Variants in TLE2 observed in about 807,000 individuals in gnomAD.
TLE2 encodes the protein transducin-like enhancer protein 2.
TLE2 carries 74 observed loss-of-function variants against 97.2 expected under a neutral mutation model. The observed-to-expected ratio is 0.76, with a 90% CI of 0.63 to 0.92. TLE2 has a LOEUF of 0.92. TLE2 is among the 40% of genes least tolerant of loss of function. The pLI is 0.00. For missense variants in TLE2, 1,038 were observed against 1,008.7 expected, an observed-to-expected ratio of 1.03 and a Z score of -0.39; for synonymous variants, 499 against 432.1, an observed-to-expected ratio of 1.15 and a Z score of -1.92.
intron 5 of TLE2, among the ~76,000 whole-genome samples, chr19:3,022,257 C>T (rs1024234790): frequency 3.2e-4 from 49 of 152,092 alleles, no homozygotes; most frequent in African/African-American, 1.2e-3. Flanking sequence ...TGCGGTGGCT[C>T]ACGCGTGTAA....
intron 9 of TLE2, among the ~76,000 whole-genome samples, chr19:3,015,095 G>T: frequency 7.1e-6 from 1 of 140,294 alleles, no homozygotes; most frequent in Non-Finnish European, 1.5e-5. Context: ...TAAAAAGGAA[G>T]ATTTAAGGCT....
chr19:3,008,366 C>T (rs1194077551), intron 14 of TLE2, among the ~76,000 whole-genome samples: 1 of 152,202 alleles, frequency 6.6e-6, no homozygotes, highest in Non-Finnish European at 1.5e-5. Context: ...CCCGACATCG[C>T]CCAGTGTCCC....
At chr19:3,008,840 C>G (rs756587285) in intron 14 of TLE2, 29 bp downstream of exon 14, 123 of 1,512,244 alleles carry the variant, frequency 8.1e-5, no homozygotes, top group Non-Finnish European at 1.0e-4. Flanking sequence ...CCCGGGACCC[C>G]AGGCAGGGAG....
At chr19:3,028,670 G>T in intron 2 of TLE2, 36 bp downstream of exon 2, 1 of 1,609,106 alleles carries the variant, frequency 6.2e-7, no homozygotes. Context: ...CGGCGCCCAG[G>T]TGAACTCCCG....
chr19:3,024,599 G>A (rs12984592), intron 5 of TLE2, among the ~76,000 whole-genome samples: 13,653 of 152,124 alleles, frequency 0.09, 724 homozygotes, highest in Middle Eastern at 0.13. Context: ...TTCATCAGGT[G>A]CTGAGTAAGC....
At position 3,006,277 on chromosome 19, in the gene TLE2, GACT is replaced by G. The variant is rs1468344296; in HGVS notation, c.1500+140_1500+142del. ...TTGGCCTGCAAGCCTTGTCCCATGC[GACT>G]ACGAGCTCCGCCCCTCACCTATAAG... On this transcript the variant is annotated intron_variant, in intron 15 of 19. Transcript: ENST00000262953. 91 of 1,346,614 alleles carry G rather than the reference GACT, an allele frequency of 6.8e-5. 1 individual carries two copies. The highest frequency in any genetic ancestry group is 4.5e-4 in the East Asian group (19 of 42,510). 83.4% of individuals were successfully genotyped at this position (1,346,614 alleles called of 1,614,324 possible). A position where few individuals can be genotyped will look rare whatever the true frequency, so the allele number is the denominator to read the frequency against.
intron 1 of TLE2, among the ~76,000 whole-genome samples, chr19:3,044,028 C>G (rs2090124372): frequency 6.6e-6 from 1 of 151,712 alleles, no homozygotes; most frequent in Admixed American, 6.6e-5. Context: ...CAAAAGGTAG[C>G]CAGGCGTGGT....
intron 1 of TLE2, among the ~76,000 whole-genome samples, chr19:3,044,071 G>A (rs1199080021): frequency 6.6e-6 from 1 of 151,978 alleles, no homozygotes; most frequent in Non-Finnish European, 1.5e-5. Flanking sequence ...TGCTTGGGAG[G>A]CTGGGGCAGG....
At chr19:3,032,523 C>A (rs140250593), upstream of TLE2, among the ~76,000 whole-genome samples, 46 of 152,264 alleles carry the variant, frequency 3.0e-4, no homozygotes, top group East Asian at 8.5e-3. The surrounding 1 kb of genome is among the most constrained non-coding windows in gnomAD (Gnocchi z 4.1). Flanking sequence ...CAGGCTTGAG[C>A]CACCGTGCCC....
At chr19:3,000,841 T>TTTTC in intron 18 of TLE2, 118 bp from the exon 19 acceptor site, 8 of 687,762 alleles carry the variant, frequency 1.2e-5, no homozygotes, top group African/African-American at 5.6e-5. Flanking sequence ...TTTTTTTTTT[T>TTTTC]CCAAGAAAGG....
rs1344486254 is a variant in TLE2, at chr19:3,025,050, G to A, written c.264C>T (p.Cys88=). 11 of 1,604,848 alleles carry A rather than the reference G, an allele frequency of 6.9e-6. No homozygotes were observed. The highest frequency in any genetic ancestry group is 2.7e-5 in the African/African-American group (2 of 74,722). ...GGGTCAGGAAGGGGATAATCTGAGC[G>A]CAGATACCGCTCAGACGCTTCACAA... The part of the protein sequence containing the change: ...AEIVKRLSGI[C]AQIIPFLTQE... Residue 88 remains cysteine (C), a synonymous_variant, in exon 5 of 20, where the codon TGC becomes TGT. Transcript: ENST00000262953.
In TLE2 at chr19:3,028,906, C is replaced by T; in HGVS notation, c.-2G>A. On this transcript the variant is annotated 5_prime_UTR_variant, in exon 1 of 20. Coordinates refer to ENST00000262953, the MANE Select transcript of TLE2 (RefSeq NM_003260.5). ...CGGGTGCCTTCCCTGGGGGTACATC[C>T]TGCCGATCCGAAAAGCCCCCCAGGC... 1.2e-6 allele frequency: 2 copies of T among 1,610,252 alleles called. No homozygotes were observed. Among genetic ancestry groups the T allele is most frequent in the African/African-American group, 1.3e-5 (1 of 74,922 alleles).
At chr19:3,001,817 G>C (rs1264293803) in intron 18 of TLE2, among the ~76,000 whole-genome samples, 1 of 94,516 alleles carries the variant, frequency 1.1e-5, no homozygotes, top group African/African-American at 4.5e-5. Flanking sequence ...TTTTTTTTAA[G>C]ATAGAATCTC....
At chr19:3,026,065 T>C (rs188375693) in intron 4 of TLE2, among the ~76,000 whole-genome samples, 3 of 152,044 alleles carry the variant, frequency 2.0e-5, no homozygotes, top group Non-Finnish European at 2.9e-5. Context: ...GCTCAGAAGT[T>C]TGGGACCCCT....
chr19:3,004,032 G>A (rs527608940), intron 17 of TLE2, among the ~76,000 whole-genome samples: 83 of 152,102 alleles, frequency 5.5e-4, no homozygotes, highest in African/African-American at 1.9e-3. Flanking sequence ...AAAGATTCAG[G>A]GTCCTCCACC....
chr19:3,015,751 G>GAGATGCACTCTGCGGAGAGACAA lies in TLE2; in HGVS notation c.571-14_579dup (p.Pro194LeufsTer106). ...TCCACGAGACTCTCAGGGGGCGAGG[G>GAGATGCACTCTGCGGAGAGACAA]AGATGCACTCTGCGGAGAGACAAAG... is the stretch of plus-strand genomic sequence containing the variant. On this transcript the variant is annotated frameshift_variant, in exon 9 of 20. Transcript: ENST00000262953. LOFTEE classifies it high-confidence loss of function. The GAGATGCACTCTGCGGAGAGACAA allele has an allele frequency of 6.2e-7, 1 of 1,608,346 alleles. No homozygotes were observed. Among genetic ancestry groups the GAGATGCACTCTGCGGAGAGACAA allele is most frequent in the Non-Finnish European group, 8.5e-7 (1 of 1,178,062 alleles).
chr19:3,005,345 T>C (rs1599199618), intron 17 of TLE2, 92 bp downstream of exon 17: 1 of 1,508,276 alleles, frequency 6.6e-7, no homozygotes, highest in African/African-American at 1.4e-5. Flanking sequence ...TCCTGTCCTG[T>C]CCTGCCTCTG....
At chr19:3,026,262 C>T (rs1196225082) in intron 4 of TLE2, among the ~76,000 whole-genome samples, 1 of 151,960 alleles carries the variant, frequency 6.6e-6, no homozygotes, top group African/African-American at 2.4e-5. Context: ...GCCTGGCCAA[C>T]ATGGAGAAAC....
chr19:3,033,176 A>AT (rs71337195), upstream of TLE2, among the ~76,000 whole-genome samples: 16,628 of 139,646 alleles, frequency 0.12, 1,027 homozygotes, highest in Middle Eastern at 0.22. Flanking sequence ...AGCCTGGCTA[A>AT]TTTTTTTTTT....
Sources: allele counts gnomAD v4.1 joint callset (sites outside exome capture counted in the v4.1 genomes callset), GRCh38; gene constraint gnomAD v4.1.1; non-coding constraint Gnocchi (gnomAD v3.1); transcripts MANE v1.5; gene names NCBI Gene and HGNC (gene_info 2026-07-23, HGNC 2026-07-21).